Variants in ZFAND3 observed in about 807,000 individuals in gnomAD.
ZFAND3 encodes AN1-type zinc finger protein 3.
In ZFAND3, 10 loss-of-function variants were observed where a neutral mutation model predicts 29.6. The observed-to-expected ratio is 0.34, with a 90% CI of 0.21 to 0.57. The LOEUF is 0.57. Among genes scored for constraint, ZFAND3 ranks in the 20% least tolerant of loss-of-function variants. The pLI is 0.86. For missense variants in ZFAND3, 230 were observed against 304.5 expected, an observed-to-expected ratio of 0.76 and a Z score of 1.82; for synonymous variants, 128 against 112.6, an observed-to-expected ratio of 1.14 and a Z score of -0.87.
At chr6:37,895,302 A>AAT (rs1765179067) in intron 1 of ZFAND3, among the ~76,000 whole-genome samples, 1 of 151,554 alleles carries the variant, frequency 6.6e-6, no homozygotes, top group African/African-American at 2.4e-5. Flanking sequence ...ATCTCAATAT[A>AAT]GTTTACATCT....
intron 1 of ZFAND3, among the ~76,000 whole-genome samples, chr6:37,893,589 TG>T (rs1160006130): frequency 1.3e-5 from 2 of 152,228 alleles, no homozygotes; most frequent in Non-Finnish European, 2.9e-5. Flanking sequence ...AGTCTTGCTC[TG>T]TTGCCCAGGC....
intron 2 of ZFAND3, among the ~76,000 whole-genome samples, chr6:37,969,580 C>T (rs114409948): frequency 2.3e-3 from 350 of 152,242 alleles, no homozygotes; most frequent in Non-Finnish European, 3.8e-3. Context: ...AGTATGGTTT[C>T]TACTGAATGT....
intron 1 of ZFAND3, among the ~76,000 whole-genome samples, chr6:37,870,410 T>C (rs994679558): frequency 5.3e-5 from 8 of 150,752 alleles, no homozygotes; most frequent in African/African-American, 1.9e-4. Context: ...GAGACCAGCC[T>C]GGCCAACGTG....
chr6:38,030,193 T>G (rs547028180), intron 2 of ZFAND3, among the ~76,000 whole-genome samples: 12 of 151,032 alleles, frequency 7.9e-5, no homozygotes, highest in South Asian at 4.2e-4. Context: ...TTTAAAATTT[T>G]TTTTGTTTTG....
chr6:38,128,819 C>CT (rs1250442054), intron 5 of ZFAND3, among the ~76,000 whole-genome samples: 1 of 152,148 alleles, frequency 6.6e-6, no homozygotes, highest in Admixed American at 6.5e-5. Flanking sequence ...GTGCAAGTAT[C>CT]TTTTTTGTAT....
At chr6:37,994,510 A>G (rs1420113548) in intron 2 of ZFAND3, among the ~76,000 whole-genome samples, 1 of 152,172 alleles carries the variant, frequency 6.6e-6, no homozygotes, top group Non-Finnish European at 1.5e-5. Flanking sequence ...TAGAATGACT[A>G]ATTATGAGCT....
At chr6:37,948,723 C>T (rs765417462) in intron 2 of ZFAND3, among the ~76,000 whole-genome samples, 2 of 152,176 alleles carry the variant, frequency 1.3e-5, no homozygotes, top group Non-Finnish European at 2.9e-5. Context: ...GTTTTCTGTT[C>T]CTGTATGTGT....
At position 37,918,951 on chromosome 6, in the gene ZFAND3, C is replaced by CTTTTTTTTTTTT. The variant is rs66941014; in HGVS notation, c.72-10999_72-10988dup. On this transcript the variant is annotated intron_variant, in intron 1 of 5. Coordinates refer to ENST00000287218, the MANE Select transcript of ZFAND3 (RefSeq NM_021943.3). Reference sequence around the variant, plus strand: ...TGTGTTTTCAAAACATGAAAAATGCCTTTTTTTTTTTTTTTTTTTTGAGAC... The same window carrying CTTTTTTTTTTTT: ...TGTGTTTTCAAAACATGAAAAATGCCTTTTTTTTTTTTTTTTTTTTTTTTTTTTTTTTGAGAC... Among the ~76,000 whole-genome samples the CTTTTTTTTTTTT allele has an allele frequency of 7.4e-3, 779 of 104,622 alleles. 64 individuals carry two copies. Among genetic ancestry groups the CTTTTTTTTTTTT allele is most frequent in the African/African-American group, 0.012 (305 of 24,538 alleles). The allele number at this position is 104,622 out of a possible 152,430, so 68.6% of individuals were successfully genotyped here.
intron 3 of ZFAND3, among the ~76,000 whole-genome samples, chr6:38,066,635 A>G (rs1369186939): frequency 6.6e-6 from 1 of 152,094 alleles, no homozygotes; most frequent in African/African-American, 2.4e-5. Context: ...TTTTTTTCCT[A>G]ATGTACAAGA....
At chr6:38,050,190 G>T (rs1763999070) in intron 2 of ZFAND3, among the ~76,000 whole-genome samples, 1 of 151,728 alleles carries the variant, frequency 6.6e-6, no homozygotes, top group African/African-American at 2.4e-5. Flanking sequence ...CCTGACCTCA[G>T]TTGATCCACC....
intron 2 of ZFAND3, among the ~76,000 whole-genome samples, chr6:38,026,144 T>A (rs1474437173): frequency 1.3e-5 from 2 of 152,216 alleles, no homozygotes; most frequent in Non-Finnish European, 2.9e-5. Context: ...AACCAAGTTC[T>A]TCAGCAAACC....
intron 1 of ZFAND3, among the ~76,000 whole-genome samples, chr6:37,881,478 T>C (rs538362988): frequency 6.6e-6 from 1 of 152,208 alleles, no homozygotes; most frequent in Non-Finnish European, 1.5e-5. Context: ...TGGTCTGTTC[T>C]GTCTTTCTGC....
chr6:38,138,678 CAG>C (rs1765890130), intron 5 of ZFAND3, among the ~76,000 whole-genome samples: 1 of 152,180 alleles, frequency 6.6e-6, no homozygotes, highest in Non-Finnish European at 1.5e-5. Context: ...CTAATAAAGT[CAG>C]TGTGAGGAGT....
intron 1 of ZFAND3, among the ~76,000 whole-genome samples, chr6:37,836,263 C>A (rs1485130638): frequency 6.6e-6 from 1 of 151,392 alleles, no homozygotes; most frequent in Non-Finnish European, 1.5e-5. Context: ...TTGGATAGTT[C>A]ATCCTTGACC....
intron 1 of ZFAND3, among the ~76,000 whole-genome samples, chr6:37,829,095 C>T (rs1438016932): frequency 6.6e-6 from 1 of 152,118 alleles, no homozygotes; most frequent in Admixed American, 6.5e-5. Context: ...GTTTAGTTTG[C>T]CTTTTCCTTT....
At chr6:37,852,791 C>T (rs1367984672) in intron 1 of ZFAND3, among the ~76,000 whole-genome samples, 1 of 151,366 alleles carries the variant, frequency 6.6e-6, no homozygotes, top group Non-Finnish European at 1.5e-5. Context: ...TCTCGGCTCA[C>T]TGCAATCTCC....
chr6:37,918,039 A>G lies in ZFAND3; in HGVS notation c.72-11920A>G, dbSNP rs143881409. 9.6e-3 allele frequency among the ~76,000 whole-genome samples: 1,459 copies of G among 152,264 alleles called. 17 individuals carry two copies. The highest frequency in any genetic ancestry group is 0.011 in the Non-Finnish European group (740 of 68,012). Reference sequence around the variant, plus strand: ...TTTATCTTACCTGAATGACATGAACAGAAATGTTGCATCGTGTAGAAGTCT... The same window carrying G: ...TTTATCTTACCTGAATGACATGAACGGAAATGTTGCATCGTGTAGAAGTCT... On this transcript the variant is annotated intron_variant, in intron 1 of 5. Coordinates refer to ENST00000287218, the MANE Select transcript of ZFAND3 (RefSeq NM_021943.3).
At chr6:37,909,620 CTTTTTTTTTTT>C (rs34105026) in intron 1 of ZFAND3, among the ~76,000 whole-genome samples, 1 of 122,992 alleles carries the variant, frequency 8.1e-6, no homozygotes, top group Non-Finnish European at 1.7e-5. Flanking sequence ...GTTCAGAATT[CTTTTTTTTTTT>C]TTTTTTTTGA....
Position 38,153,478 on chromosome 6 carries a change from T to C in ZFAND3, c.*1089T>C, listed in dbSNP as rs1402155776. On this transcript the variant is annotated 3_prime_UTR_variant, in exon 6 of 6. Transcript: ENST00000287218. ...GTCCACATCTACCATATAGCAAGTT[T>C]AGTAAGGGAAGGCAGCATACGTCCC... is the stretch of plus-strand genomic sequence containing the variant. 1 of 985,460 alleles carries C rather than the reference T, an allele frequency of 1.0e-6. No homozygotes were observed. The highest frequency in any genetic ancestry group is 1.2e-6 in the Non-Finnish European group (1 of 830,072). The allele number at this position is 985,460 out of a possible 1,614,324, so 61.0% of individuals were successfully genotyped here. A position where few individuals can be genotyped will look rare whatever the true frequency, so the allele number is the denominator to read the frequency against.
Sources: gnomAD v4.1 joint callset for allele counts (sites outside exome capture counted in the v4.1 genomes callset) on GRCh38, gnomAD v4.1.1 for gene constraint, MANE v1.5 for transcripts, NCBI Gene and HGNC (gene_info 2026-07-23, HGNC 2026-07-21) for gene names.